The following BHMT2 variants were observed in gnomAD, a reference collection of about 807,000 sequenced individuals.
BHMT2 encodes betaine--homocysteine S-methyltransferase 2.
BHMT2 carries 28 observed loss-of-function variants against 39.0 expected under a neutral mutation model. That is an observed-to-expected ratio of 0.72 (90% CI 0.53 to 0.98). BHMT2 has a LOEUF of 0.98. BHMT2 is among the 50% of genes least tolerant of loss of function. The pLI is 0.00. For synonymous variants in BHMT2, 145 were observed against 160.6 expected (o/e 0.90, Z 0.74); for missense variants, 410 against 455.6 (o/e 0.90, Z 0.91).
At chr5:79,088,400 T>G in intron 7 of BHMT2, 93 bp from the exon 8 acceptor site, 5 of 492,558 alleles carry the variant, frequency 1.0e-5, no homozygotes, top group African/African-American at 2.5e-5. Flanking sequence ...GTGTGTGTGG[T>G]TATATACATA....
At chr5:79,087,032 A>G (rs992597626) in intron 7 of BHMT2, among the ~76,000 whole-genome samples, 6 of 146,390 alleles carry the variant, frequency 4.1e-5, no homozygotes, top group East Asian at 2.0e-4. Flanking sequence ...ATATATATAT[A>G]TATATATATA....
In BHMT2 at chr5:79,070,577, C is replaced by T. The variant is rs1476806190; in HGVS notation, c.33+762C>T. 2.0e-5 allele frequency among the ~76,000 whole-genome samples: 3 copies of T among 152,026 alleles called. No homozygotes were observed. In the South Asian group the frequency reaches 6.2e-4, roughly 32 times the overall value. On this transcript the variant is annotated intron_variant, in intron 1 of 7. Coordinates refer to ENST00000255192, the MANE Select transcript of BHMT2 (RefSeq NM_017614.5). The stretch of plus-strand genomic sequence containing the variant: ...ACATCCCCAGGACCCTTCAGAGACC[C>T]CCACCCGCTCCAGCCCTGTCATTCA...
At chr5:79,081,819 AC>A in intron 4 of BHMT2, among the ~76,000 whole-genome samples, 2 of 152,208 alleles carry the variant, frequency 1.3e-5, no homozygotes, top group South Asian at 4.2e-4. Context: ...AAGATAGGGC[AC>A]CACTGCACTC....
intron 4 of BHMT2, chr5:79,082,300 A>G (rs1411216421): frequency 3.3e-5 from 5 of 153,646 alleles, no homozygotes; most frequent in African/African-American, 1.2e-4. Context: ...GCTGTGCCTC[A>G]ATCTTCTCAC....
chr5:79,088,546 G>T lies in BHMT2; in HGVS notation c.1064G>T (p.Cys355Phe). The change falls in exon 8 of 8, where the codon TGT (cysteine) becomes TTT (phenylalanine). Residue 355 changes from cysteine to phenylalanine, a missense_variant. Coordinates refer to ENST00000255192, the MANE Select transcript of BHMT2 (RefSeq NM_017614.5). ...NLLPASGRPF[C>F]PSLSKPDF ...CTGCCAGCTTCAGGCAGACCTTTCT[G>T]TCCTTCGCTGTCAAAGCCAGACTTC... The T allele has an allele frequency of 1.2e-6, 2 of 1,614,126 alleles. No individual in the cohort carries two copies. Among genetic ancestry groups the T allele is most frequent in the Non-Finnish European group, 1.7e-6 (2 of 1,180,002 alleles).
Position 79,083,173 on chromosome 5 carries a change from G to A in BHMT2, c.599-19G>A. ...TAAACAAATAAATAATAAAATGTAAGTGTTATTTCTTTGCACAGGGGCTTC... is the reference window on the plus strand; with the variant it reads ...TAAACAAATAAATAATAAAATGTAAATGTTATTTCTTTGCACAGGGGCTTC... On this transcript the variant is annotated intron_variant, in intron 5 of 7. Coordinates refer to ENST00000255192, the MANE Select transcript of BHMT2 (RefSeq NM_017614.5). 6.2e-7 allele frequency: 1 copy of A among 1,612,866 alleles called. No homozygotes were observed. Among genetic ancestry groups the A allele is most frequent in the Non-Finnish European group, 8.5e-7 (1 of 1,179,432 alleles).
intron 7 of BHMT2, among the ~76,000 whole-genome samples, chr5:79,086,510 A>G (rs1580255463): frequency 6.6e-6 from 1 of 152,212 alleles, no homozygotes; most frequent in Admixed American, 6.5e-5. Context: ...TGTTGCAGGA[A>G]TAATAGAAAA....
intron 4 of BHMT2, 35 bp from the exon 5 acceptor site, chr5:79,082,774 G>C: frequency 6.2e-7 from 1 of 1,609,960 alleles, no homozygotes; most frequent in Non-Finnish European, 8.5e-7. Context: ...TCTGCTTTAT[G>C]TTTGGACCAG....
intron 2 of BHMT2, among the ~76,000 whole-genome samples, chr5:79,078,627 A>T (rs1045991126): frequency 6.6e-6 from 1 of 152,234 alleles, no homozygotes; most frequent in Non-Finnish European, 1.5e-5. Context: ...AGGACTCACA[A>T]GTTAACCCGT....
intron 2 of BHMT2, among the ~76,000 whole-genome samples, chr5:79,078,585 G>A (rs1363042137): frequency 6.6e-6 from 1 of 152,204 alleles, no homozygotes; most frequent in Non-Finnish European, 1.5e-5. Flanking sequence ...ATCTTAATCT[G>A]TTTCATGGGG....
Position 79,073,073 on chromosome 5 carries a change from C to A in BHMT2, c.33+3258C>A, listed in dbSNP as rs567986099. ...CCAACTCCCAGGTTCAAGCTATTCT[C>A]CTGCCTCCACCTCACAAGTAGCTGG... On this transcript the variant is annotated intron_variant, in intron 1 of 7. Transcript: ENST00000255192. 2.0e-4 allele frequency among the ~76,000 whole-genome samples: 30 copies of A among 151,434 alleles called. No individual in the cohort carries two copies. The South Asian group carries it at 6.0e-3, about 30-fold the overall frequency.
intron 1 of BHMT2, among the ~76,000 whole-genome samples, chr5:79,076,613 C>T (rs1210384280): frequency 6.6e-6 from 1 of 152,152 alleles, no homozygotes; most frequent in Non-Finnish European, 1.5e-5. Flanking sequence ...TGATTTTTTA[C>T]TTACTTAGCT....
At chr5:79,070,120 C>G (rs188618977) in intron 1 of BHMT2, among the ~76,000 whole-genome samples, 1 of 152,348 alleles carries the variant, frequency 6.6e-6, no homozygotes, top group Non-Finnish European at 1.5e-5. Context: ...GGTCACGGGT[C>G]CAGCCCCGCG....
At chr5:79,073,964 G>A (rs574009862) in intron 1 of BHMT2, among the ~76,000 whole-genome samples, 12 of 152,190 alleles carry the variant, frequency 7.9e-5, no homozygotes, top group Non-Finnish European at 1.5e-4. Context: ...AGTCTGGGAA[G>A]GTGGAAGCAT....
chr5:79,072,503 T>C (rs554784105), intron 1 of BHMT2, among the ~76,000 whole-genome samples: 9 of 152,316 alleles, frequency 5.9e-5, no homozygotes, highest in African/African-American at 2.2e-4. Flanking sequence ...AACAGTCCTG[T>C]TTATTTGCTA....
chr5:79,076,194 G>T (rs1326468903), intron 1 of BHMT2, among the ~76,000 whole-genome samples: 1 of 152,078 alleles, frequency 6.6e-6, no homozygotes, highest in African/African-American at 2.4e-5. Context: ...GAGTCAGGCC[G>T]CTCAGCAGCC....
rs115465442 is a variant in BHMT2 at position 79,088,100 on chromosome 5, A to G, written c.1011-393A>G. Among the ~76,000 whole-genome samples the G allele has an allele frequency of 9.9e-3, 1,510 of 152,292 alleles. 30 individuals carry two copies. Among genetic ancestry groups the G allele is most frequent in the African/African-American group, 0.033 (1,388 of 41,554 alleles). ...GGGGCTGAGGCAGGAGGATTGCTTG[A>G]ATCCAGGAGGTCTAGGCTGCAGTGA... On this transcript the variant is annotated intron_variant, in intron 7 of 7. Coordinates refer to ENST00000255192, the MANE Select transcript of BHMT2 (RefSeq NM_017614.5).
intron 1 of BHMT2, among the ~76,000 whole-genome samples, chr5:79,073,942 T>G (rs1355382537): frequency 6.6e-6 from 1 of 152,146 alleles, no homozygotes; most frequent in African/African-American, 2.4e-5. Context: ...CCCAATCAGA[T>G]GCACCAGTAT....
Position 79,077,543 on chromosome 5 carries a change from C to T in BHMT2, c.97C>T (p.Leu33=), listed in dbSNP as rs769049797. Residue 33 remains leucine (L), a synonymous_variant, in exon 2 of 8, where the codon CTG becomes TTG. Coordinates refer to ENST00000255192, the MANE Select transcript of BHMT2 (RefSeq NM_017614.5). ...VIGDGSFLIT[L]EKRGYVKAGL... ...TGGAGATGGCAGCTTTCTCATTACT[C>T]TGGAGAAGAGAGGCTATGTGAAGGC... The T allele has an allele frequency of 6.2e-7, 1 of 1,613,802 alleles. No individual in the cohort carries two copies. Among genetic ancestry groups the T allele is most frequent in the Non-Finnish European group, 8.5e-7 (1 of 1,179,966 alleles).
Sources: gnomAD v4.1 joint callset for allele counts (sites outside exome capture counted in the v4.1 genomes callset) on GRCh38, gnomAD v4.1.1 for gene constraint, MANE v1.5 for transcripts, NCBI Gene and HGNC (gene_info 2026-07-23, HGNC 2026-07-21) for gene names.